Variants in C14orf93 observed in about 807,000 individuals in gnomAD.
The protein encoded by C14orf93 is chromosome 14 open reading frame 93.
C14orf93 carries 23 observed loss-of-function variants against 44.0 expected under a neutral mutation model. The observed-to-expected ratio is 0.52, with a 90% CI of 0.38 to 0.74. The LOEUF is 0.74. C14orf93 is among the 30% of genes least tolerant of loss of function. C14orf93 has a pLI of 0.00. For synonymous variants in C14orf93, 253 were observed against 265.7 expected (o/e 0.95, Z 0.46); for missense variants, 579 against 678.9 (o/e 0.85, Z 1.64).
At chr14:23,007,621 G>GAT (rs556967603) in intron 1 of C14orf93, among the ~76,000 whole-genome samples, 332 of 152,246 alleles carry the variant, frequency 2.2e-3, no homozygotes, top group Non-Finnish European at 3.4e-3. Flanking sequence ...CCAAGCCAAC[G>GAT]ATATATATGT....
In C14orf93 at chr14:22,996,363, G is replaced by A; in HGVS notation, c.598-95C>T. On this transcript the variant is annotated intron_variant, in intron 2 of 6. Coordinates refer to ENST00000299088, the MANE Select transcript of C14orf93 (RefSeq NM_021944.4). This position sits in a 1 kb window ranked among gnomAD's most constrained non-coding sequence, Gnocchi z 4.1. ...TGGCTAAGAATAGTGAACAGAAAGT[G>A]GAAAGAAGGGGAACTCTAGCACAGT... 1 of 1,224,618 alleles carries A rather than the reference G, an allele frequency of 8.2e-7. No homozygotes were observed. Among genetic ancestry groups the A allele is most frequent in the Non-Finnish European group, 1.1e-6 (1 of 893,702 alleles). 75.9% of individuals were successfully genotyped at this position (1,224,618 alleles called of 1,614,324 possible). A position where few individuals can be genotyped will look rare whatever the true frequency, so the allele number is the denominator to read the frequency against.
intron 3 of C14orf93, among the ~76,000 whole-genome samples, chr14:22,995,445 C>T (rs2045909690): frequency 6.6e-6 from 1 of 152,040 alleles, no homozygotes. Context: ...TTTGGGAGGC[C>T]GAGGCGGGTG....
chr14:23,000,064 A>C (rs1328613769), intron 1 of C14orf93: 1 of 152,232 alleles, frequency 6.6e-6, no homozygotes, highest in Non-Finnish European at 1.5e-5. Flanking sequence ...AAGCTCCTTA[A>C]GGGTGGATCC....
rs149144438 is a variant in C14orf93 at position 22,989,824 on chromosome 14, A to C, written c.1002T>G (p.Ile334Met). The C allele has an allele frequency of 1.8e-5, 29 of 1,614,080 alleles. No individual in the cohort carries two copies. The African/African-American group carries it at 3.3e-4, about 19-fold the overall frequency. Residue 334 changes from isoleucine (I) to methionine (M), a missense_variant, in exon 5 of 7, where the codon ATT (isoleucine) becomes ATG (methionine). Ile to Met is a conservative substitution (Grantham distance 10). Transcript: ENST00000299088. Reference sequence around the variant, plus strand: ...TTTCCAGAAGAAACTTCACTACTGAAATATTCCAAGAGGACTTGATGCTGC... The same window carrying C: ...TTTCCAGAAGAAACTTCACTACTGACATATTCCAAGAGGACTTGATGCTGC... ...GSESIKSSWNISVVKFLLEKL... is the reference protein window; with the variant it reads ...GSESIKSSWNMSVVKFLLEKL...
At chr14:22,991,734 G>A (rs553692251) in intron 3 of C14orf93, among the ~76,000 whole-genome samples, 1 of 151,548 alleles carries the variant, frequency 6.6e-6, no homozygotes, top group East Asian at 2.0e-4. Flanking sequence ...ACCACATCCA[G>A]CTAATTTTTG....
In C14orf93 at chr14:22,986,748, C is replaced by T. The variant is rs992230307; in HGVS notation, c.*467G>A. On this transcript the variant is annotated 3_prime_UTR_variant, in exon 7 of 7. Coordinates refer to ENST00000299088, the MANE Select transcript of C14orf93 (RefSeq NM_021944.4). ...TCAAGCTCATGACTGAAACTGCCCA[C>T]CAGGTGGCGGTATTAACCTGCACTG... 2.5e-5 allele frequency: 4 copies of T among 163,054 alleles called. No homozygotes were observed. Among genetic ancestry groups the T allele is most frequent in the African/African-American group, 9.6e-5 (4 of 41,602 alleles). 10.1% of individuals were successfully genotyped at this position (163,054 alleles called of 1,614,324 possible).
intron 5 of C14orf93, 118 bp downstream of exon 5, chr14:22,989,624 C>T: frequency 4.2e-6 from 3 of 712,942 alleles, no homozygotes; most frequent in South Asian, 3.7e-5. Context: ...GTTTCAAATC[C>T]ACTATTTTCA....
intron 1 of C14orf93, among the ~76,000 whole-genome samples, chr14:23,007,689 C>T (rs1230478557): frequency 6.6e-6 from 1 of 152,070 alleles, no homozygotes; most frequent in Admixed American, 6.6e-5. Flanking sequence ...TATGACCCTA[C>T]GTTCCTGGAT....
intron 3 of C14orf93, among the ~76,000 whole-genome samples, chr14:22,992,727 G>C (rs1234905788): frequency 6.6e-6 from 1 of 151,754 alleles, no homozygotes; most frequent in South Asian, 2.1e-4. Flanking sequence ...TGGGATTACA[G>C]GAATGCACCA....
intron 1 of C14orf93, among the ~76,000 whole-genome samples, chr14:23,002,209 C>T (rs931750081): frequency 3.3e-4 from 50 of 150,600 alleles, no homozygotes; most frequent in Non-Finnish European, 6.3e-4. Context: ...CCAATACTTT[C>T]GGAGGCTGAG....
chr14:23,008,677 CAGAA>C (rs990974345), intron 1 of C14orf93, among the ~76,000 whole-genome samples: 4 of 152,178 alleles, frequency 2.6e-5, no homozygotes, highest in Non-Finnish European at 5.9e-5. Flanking sequence ...GATTCTGTAA[CAGAA>C]TGAAGTGAAA....
Position 22,998,493 on chromosome 14 carries a change from A to T in C14orf93, c.531T>A (p.Thr177=). ...ACCCTGGGAGCCGCATGTCCCTCTG[A>T]GTTGCTGGGAAGCCCAAAGGCCCAG... ...VGPGPLGFPA[T]QRDMRLPGCT... is the part of the protein sequence containing the mutation. Residue 177 remains threonine, a synonymous_variant, in exon 2 of 7, where the codon ACT becomes ACA. Coordinates refer to ENST00000299088, the MANE Select transcript of C14orf93 (RefSeq NM_021944.4). The T allele has an allele frequency of 6.2e-7, 1 of 1,610,186 alleles. No homozygotes were observed. The highest frequency in any genetic ancestry group is 8.5e-7 in the Non-Finnish European group (1 of 1,178,846).
At chr14:23,010,011 C>T (rs2046797538) in intron 1 of C14orf93, 90 bp downstream of exon 1, 1 of 152,034 alleles carries the variant, frequency 6.6e-6, no homozygotes, top group South Asian at 2.1e-4. Context: ...GCAACAGTTT[C>T]CTCACCCCAA....
intron 3 of C14orf93, 132 bp downstream of exon 3, chr14:22,995,816 C>T (rs76892071): frequency 2.5e-6 from 2 of 798,460 alleles, no homozygotes; most frequent in Non-Finnish European, 3.6e-6. Flanking sequence ...AACCTCTCTC[C>T]TTATCCCTCC....
chr14:22,991,715 T>A (rs1412352389), intron 3 of C14orf93, among the ~76,000 whole-genome samples: 1 of 151,332 alleles, frequency 6.6e-6, no homozygotes, highest in Non-Finnish European at 1.5e-5. Context: ...GGACTACAGG[T>A]GCACCACCAC....
In C14orf93 at chr14:22,996,186, G is replaced by A. The variant is rs2078842693; in HGVS notation, c.680C>T (p.Thr227Ile). The A allele has an allele frequency of 3.1e-6, 5 of 1,613,268 alleles. No individual in the cohort carries two copies. In the African/African-American group the frequency reaches 6.7e-5, roughly 22 times the overall value. ...GGTTGCCCGCTGGATTGCCAGTTGT[G>A]TGGCTGGTGAGAGTTGCTTGGCATA... is the stretch of plus-strand genomic sequence containing the variant. ...PAYAKQLSPATQLAIQRATPE... is the reference protein window; with the variant it reads ...PAYAKQLSPAIQLAIQRATPE... Residue 227 changes from threonine (T) to isoleucine (I), a missense_variant, in exon 3 of 7, where the codon ACA (threonine) becomes ATA (isoleucine). By Grantham distance (89) the Thr-to-Ile change is moderately conservative. Transcript: ENST00000299088. This position sits in a 1 kb window ranked among gnomAD's most constrained non-coding sequence, Gnocchi z 4.1.
chr14:22,990,572 C>A (rs564551397), intron 3 of C14orf93, among the ~76,000 whole-genome samples: 10 of 151,054 alleles, frequency 6.6e-5, no homozygotes, highest in Non-Finnish European at 1.3e-4. Flanking sequence ...CGGGTTCAAG[C>A]GATTCTCCCG....
chr14:22,988,755 C>A (rs951360110), intron 5 of C14orf93, among the ~76,000 whole-genome samples: 1 of 152,156 alleles, frequency 6.6e-6, no homozygotes, highest in Non-Finnish European at 1.5e-5. Context: ...ACTCCAATCG[C>A]TTCTGTGTCT....
At chr14:23,008,953 T>C (rs2046763240) in intron 1 of C14orf93, among the ~76,000 whole-genome samples, 1 of 152,240 alleles carries the variant, frequency 6.6e-6, no homozygotes, top group Non-Finnish European at 1.5e-5. Context: ...TTTTCGAATA[T>C]TCCAACCAAT....
Sources: allele counts gnomAD v4.1 joint callset (sites outside exome capture counted in the v4.1 genomes callset), GRCh38; gene constraint gnomAD v4.1.1; non-coding constraint Gnocchi (gnomAD v3.1); transcripts MANE v1.5; gene names NCBI Gene and HGNC (gene_info 2026-07-23, HGNC 2026-07-21).